ELF1: variants seen among roughly 807,000 people sequenced by gnomAD.
The protein encoded by ELF1 is ETS-related transcription factor Elf-1.
A neutral mutation model predicts 59.9 loss-of-function variants in ELF1; 24 were observed. The observed-to-expected ratio is 0.40, with a 90% CI of 0.29 to 0.56. The LOEUF (loss-of-function observed/expected upper bound fraction) is 0.56. ELF1 is among the 20% of genes least tolerant of loss of function. The pLI, the probability that ELF1 is intolerant of heterozygous loss-of-function variation, is 0.44. For synonymous variants in ELF1, 248 were observed against 266.2 expected (o/e 0.93, Z 0.67); for missense variants, 627 against 742.2 (o/e 0.84, Z 1.80).
At chr13:40,974,756 C>T (rs572762336) in intron 2 of ELF1, among the ~76,000 whole-genome samples, 1 of 152,312 alleles carries the variant, frequency 6.6e-6, no homozygotes, top group South Asian at 2.1e-4. Context: ...TAAGTTCCTA[C>T]TCTCCACACT....
intron 2 of ELF1, among the ~76,000 whole-genome samples, chr13:40,971,726 G>A (rs560449585): frequency 6.6e-6 from 1 of 152,334 alleles, no homozygotes; most frequent in East Asian, 1.9e-4. Context: ...GTGTAACTGT[G>A]TCATGACAAT....
At chr13:41,044,020 T>A (rs563502867) in intron 1 of ELF1, among the ~76,000 whole-genome samples, 170 of 152,184 alleles carry the variant, frequency 1.1e-3, no homozygotes, top group African/African-American at 3.8e-3. Context: ...TCACATCCCT[T>A]AAGTTGGATT....
chr13:40,975,040 T>C (rs1872816739), intron 2 of ELF1, among the ~76,000 whole-genome samples: 2 of 152,166 alleles, frequency 1.3e-5, no homozygotes, highest in Non-Finnish European at 2.9e-5. Context: ...TTTTAATGGA[T>C]TTCTTAAGTT....
At chr13:40,955,361 C>T (rs1472734386) in intron 3 of ELF1, among the ~76,000 whole-genome samples, 9 of 143,430 alleles carry the variant, frequency 6.3e-5, no homozygotes, top group African/African-American at 1.3e-4. Flanking sequence ...CCGCCCCATC[C>T]GGGAGGGAGA....
intron 1 of ELF1, among the ~76,000 whole-genome samples, chr13:40,983,970 A>G (rs1402567918): frequency 1.3e-5 from 2 of 152,150 alleles, no homozygotes; most frequent in African/African-American, 4.8e-5. Flanking sequence ...GCCTCCCAAC[A>G]TCTATGCCTC....
At chr13:41,017,073 TAA>T (rs1220025100) in intron 1 of ELF1, among the ~76,000 whole-genome samples, 1 of 146,828 alleles carries the variant, frequency 6.8e-6, no homozygotes, top group Non-Finnish European at 1.5e-5. Context: ...AAAGCCATCT[TAA>T]AATAAGCAGT....
intron 2 of ELF1, among the ~76,000 whole-genome samples, chr13:40,977,701 C>T (rs1872998596): frequency 6.6e-6 from 1 of 152,008 alleles, no homozygotes; most frequent in South Asian, 2.1e-4. Flanking sequence ...TTAAAAATCC[C>T]AACAGGGTTT....
At chr13:41,005,017 G>A (rs1427565399) in intron 1 of ELF1, among the ~76,000 whole-genome samples, 2 of 152,122 alleles carry the variant, frequency 1.3e-5, no homozygotes, top group South Asian at 2.1e-4. Flanking sequence ...TCCTCTCATC[G>A]TGGTTTAACT....
chr13:40,948,481 C>A (rs576653126), intron 5 of ELF1, among the ~76,000 whole-genome samples: 7 of 152,350 alleles, frequency 4.6e-5, no homozygotes, highest in Admixed American at 6.5e-5. Flanking sequence ...CTTCTCAGCC[C>A]TTCTGAGCTG....
chr13:40,943,095 C>T lies in ELF1; in HGVS notation c.663G>A (p.Lys221=), dbSNP rs763513256. The T allele has an allele frequency of 1.2e-6, 2 of 1,601,972 alleles. No individual in the cohort carries two copies. The highest frequency in any genetic ancestry group is 1.7e-6 in the Non-Finnish European group (2 of 1,172,958). Residue 221 remains lysine (K), a synonymous_variant, in exon 7 of 9, where the codon AAG becomes AAA. Transcript: ENST00000239882. ...WEFLLALLQD[K]ATCPKYIKWT... Reference sequence around the variant, plus strand: ...ACTTGATGTATTTAGGACAAGTAGCCTTGTCCTGGAGCAGTGCCAGTAAAA... The same window carrying T: ...ACTTGATGTATTTAGGACAAGTAGCTTTGTCCTGGAGCAGTGCCAGTAAAA...
intron 1 of ELF1, among the ~76,000 whole-genome samples, chr13:40,989,177 A>G (rs1873712500): frequency 6.6e-6 from 1 of 152,222 alleles, no homozygotes; most frequent in Non-Finnish European, 1.5e-5. Context: ...ATAAAGAAAC[A>G]TCCCAAAATG....
At chr13:41,057,786 T>C (rs529957042) in intron 1 of ELF1, among the ~76,000 whole-genome samples, 1 of 152,296 alleles carries the variant, frequency 6.6e-6, no homozygotes, top group South Asian at 2.1e-4. Context: ...GCACCTAAAA[T>C]ATGCCTGCCA....
rs35141791 is a variant in ELF1 at position 40,952,368 on chromosome 13, CT to C, written c.254-933del. ...AAATCATTAAATCTTTTTGGTTTTG[CT>C]TTTTTTTTTTGAGACAAGGTCTTAC... On this transcript the variant is annotated intron_variant, in intron 3 of 8. Transcript: ENST00000239882. Among the ~76,000 whole-genome samples, 326 of 146,222 alleles carry C rather than the reference CT, an allele frequency of 2.2e-3. 1 individual carries two copies. The highest frequency in any genetic ancestry group is 0.013 in the East Asian group (65 of 5,024).
At chr13:40,954,320 C>G (rs1871056506) in intron 3 of ELF1, among the ~76,000 whole-genome samples, 1 of 152,136 alleles carries the variant, frequency 6.6e-6, no homozygotes, top group Non-Finnish European at 1.5e-5. Context: ...GGAGGAGGGG[C>G]CTGGTGGGAG....
chr13:40,981,964 T>C lies in ELF1; in HGVS notation c.72+19A>G. The C allele has an allele frequency of 1.3e-6, 2 of 1,597,378 alleles. No homozygotes were observed. The highest frequency in any genetic ancestry group is 1.7e-6 in the Non-Finnish European group (2 of 1,173,022). ...TCATAATAAAGTCATTAAAATGAAA[T>C]TTTCTCTGAATCTCATACCTGTCGT... On this transcript the variant is annotated intron_variant, in intron 2 of 8. Transcript: ENST00000239882.
chr13:40,939,989 C>G lies in ELF1; in HGVS notation c.1256+932G>C, dbSNP rs146435633. 3.3e-5 allele frequency among the ~76,000 whole-genome samples: 5 copies of G among 152,226 alleles called. No individual in the cohort carries two copies. The East Asian group carries it at 9.6e-4, about 29-fold the overall frequency. On this transcript the variant is annotated intron_variant, in intron 8 of 8. Coordinates refer to ENST00000239882, the MANE Select transcript of ELF1 (RefSeq NM_172373.4). Reference sequence around the variant, plus strand: ...CACAAGGTCAAACATTTTAAATTGTCTATACAAAGAAGACTGAATCTTCTA... The same window carrying G: ...CACAAGGTCAAACATTTTAAATTGTGTATACAAAGAAGACTGAATCTTCTA...
upstream of ELF1, among the ~76,000 whole-genome samples, chr13:41,021,724 T>C (rs377621976): frequency 3.3e-5 from 5 of 152,342 alleles, no homozygotes; most frequent in African/African-American, 1.2e-4. Context: ...TAAAGCACTT[T>C]CACAACTCAA....
intron 1 of ELF1, among the ~76,000 whole-genome samples, chr13:41,039,348 A>C (rs1422232605): frequency 2.0e-5 from 3 of 151,828 alleles, no homozygotes; most frequent in South Asian, 2.1e-4. Context: ...AAAAAAAAAA[A>C]AAAAAAAAAC....
At chr13:41,012,440 G>GA (rs1473624941) in intron 1 of ELF1, among the ~76,000 whole-genome samples, 1 of 150,012 alleles carries the variant, frequency 6.7e-6, no homozygotes, top group Non-Finnish European at 1.5e-5. Flanking sequence ...TTGTTTTTAA[G>GA]AAAAAAAGGT....
Sources: gnomAD v4.1 joint callset for allele counts (sites outside exome capture counted in the v4.1 genomes callset) on GRCh38, gnomAD v4.1.1 for gene constraint, MANE v1.5 for transcripts, NCBI Gene and HGNC (gene_info 2026-07-23, HGNC 2026-07-21) for gene names.